The following ITGB6 variants were observed in gnomAD, a reference collection of about 807,000 sequenced individuals.
ITGB6 encodes the protein integrin beta-6.
In ITGB6, 80 loss-of-function variants were observed where a neutral mutation model predicts 84.5. That is an observed-to-expected ratio of 0.95 (90% CI 0.79 to 1.14). ITGB6 has a LOEUF of 1.14. ITGB6 is among the 50% of genes most tolerant of loss of function. The probability of loss-of-function intolerance (pLI) is 0.00; values close to 1 mark genes in which losing one functional copy is unlikely to be tolerated. For missense variants in ITGB6, 1,006 were observed against 968.0 expected, an observed-to-expected ratio of 1.04 and a Z score of -0.52; for synonymous variants, 383 against 354.9, an observed-to-expected ratio of 1.08 and a Z score of -0.89.
chr2:160,106,717 A>T (rs1696922702), intron 14 of ITGB6, among the ~76,000 whole-genome samples: 1 of 152,224 alleles, frequency 6.6e-6, no homozygotes, highest in Non-Finnish European at 1.5e-5. Flanking sequence ...AATTTAGAAT[A>T]ACCGCATACA....
intron 2 of ITGB6, among the ~76,000 whole-genome samples, chr2:160,197,313 T>C (rs566032983): frequency 6.6e-6 from 1 of 151,816 alleles, no homozygotes; most frequent in East Asian, 1.9e-4. Flanking sequence ...AAAAGTCTGC[T>C]TTTCTGCGTG....
chr2:160,169,098 T>C, intron 7 of ITGB6, 114 bp downstream of exon 7: 1 of 630,590 alleles, frequency 1.6e-6, no homozygotes. Flanking sequence ...GTACATTTGG[T>C]GTGTGTTAAT....
At chr2:160,186,368 C>T (rs186219585) in intron 4 of ITGB6, among the ~76,000 whole-genome samples, 476 of 151,628 alleles carry the variant, frequency 3.1e-3, no homozygotes, top group Admixed American at 5.8e-3. Context: ...TGAAAAAAAG[C>T]TCATCATCAC....
intron 3 of ITGB6, 86 bp from the exon 4 acceptor site, chr2:160,195,701 T>C: frequency 6.9e-7 from 1 of 1,455,812 alleles, no homozygotes; most frequent in Admixed American, 1.9e-5. Flanking sequence ...AGCTGGCTAT[T>C]TCACCTCAAT....
chr2:160,126,346 C>G (rs943896134), intron 11 of ITGB6, 33 bp downstream of exon 11: 4 of 1,586,960 alleles, frequency 2.5e-6, no homozygotes, highest in Non-Finnish European at 2.6e-6. Flanking sequence ...TAAACCTATC[C>G]ACATAAGGAA....
chr2:160,186,965 G>A (rs190863595), intron 4 of ITGB6, among the ~76,000 whole-genome samples: 7 of 151,896 alleles, frequency 4.6e-5, no homozygotes, highest in South Asian at 4.2e-4. Flanking sequence ...GGCCTGTCGG[G>A]GGGGTGGGAG....
chr2:160,189,050 A>G (rs1283024386), intron 4 of ITGB6, among the ~76,000 whole-genome samples: 2 of 152,174 alleles, frequency 1.3e-5, no homozygotes, highest in Non-Finnish European at 2.9e-5. Context: ...ATGATGCCAC[A>G]TATCTACAAC....
At position 160,195,440 on chromosome 2, in the gene ITGB6, G is replaced by A. The variant is rs891038159; in HGVS notation, c.522C>T (p.Phe174=). Residue 174 remains phenylalanine (F), a synonymous_variant, in exon 4 of 15, where the codon TTC becomes TTT. Transcript: ENST00000283249. ...SKLTSNFRLG[F]GSFVEKPVSP... ...ATACAGGTTTTTCCACAAAAGATCC[G>A]AAGCCCAGTCTAAAGTTGCTGGTTA... 1.4e-5 allele frequency: 22 copies of A among 1,614,044 alleles called. No individual in the cohort carries two copies. Among genetic ancestry groups the A allele is most frequent in the East Asian group, 2.2e-5 (1 of 44,896 alleles).
At chr2:160,138,738 A>G (rs138299864) in intron 8 of ITGB6, among the ~76,000 whole-genome samples, 3 of 152,350 alleles carry the variant, frequency 2.0e-5, no homozygotes, top group East Asian at 3.8e-4. Context: ...TTCATTGATA[A>G]CAAATTTACA....
chr2:160,122,571 A>T (rs1190356834), intron 12 of ITGB6, among the ~76,000 whole-genome samples: 1 of 152,212 alleles, frequency 6.6e-6, no homozygotes, highest in Non-Finnish European at 1.5e-5. Context: ...TGGGAAGTCC[A>T]CAGAGGCTGT....
chr2:160,148,984 G>A (rs1248761768), intron 7 of ITGB6, among the ~76,000 whole-genome samples: 1 of 152,248 alleles, frequency 6.6e-6, no homozygotes, highest in African/African-American at 2.4e-5. Flanking sequence ...GCTCAACAGG[G>A]CCTGCTGCCT....
chr2:160,153,390 G>A (rs535015710), intron 7 of ITGB6, among the ~76,000 whole-genome samples: 8 of 152,310 alleles, frequency 5.3e-5, no homozygotes, highest in African/African-American at 1.2e-4. Context: ...GCCATATGTA[G>A]AAAGCTGAAA....
chr2:160,198,157 C>A (rs1399885963), intron 2 of ITGB6, among the ~76,000 whole-genome samples: 1 of 152,074 alleles, frequency 6.6e-6, no homozygotes, highest in Non-Finnish European at 1.5e-5. Flanking sequence ...TGATTTTTTC[C>A]CTTCTTGTAT....
chr2:160,142,632 G>A (rs922441422), intron 7 of ITGB6, among the ~76,000 whole-genome samples: 24 of 152,318 alleles, frequency 1.6e-4, no homozygotes, highest in African/African-American at 5.1e-4. Context: ...TGCTAGCACC[G>A]TGCTGGGGTT....
At position 160,101,421 on chromosome 2, in the gene ITGB6, C is replaced by T. The variant is rs1000416140; in HGVS notation, c.*315G>A. ...AGCTGCATTCCTGAAACAAATGAGA[C>T]TCTAATTTCAAACATTTTTCAAATG... On this transcript the variant is annotated 3_prime_UTR_variant, in exon 15 of 15. Transcript: ENST00000283249. 5 of 283,152 alleles carry T rather than the reference C, an allele frequency of 1.8e-5. No individual in the cohort carries two copies. The highest frequency in any genetic ancestry group is 3.3e-5 in the Non-Finnish European group (5 of 151,868). 17.5% of individuals were successfully genotyped at this position (283,152 alleles called of 1,614,324 possible).
At chr2:160,134,391 T>G (rs919961530) in intron 10 of ITGB6, among the ~76,000 whole-genome samples, 2 of 152,024 alleles carry the variant, frequency 1.3e-5, no homozygotes, top group South Asian at 2.1e-4. Context: ...AATAACAGGC[T>G]CTGAAATTGA....
intron 7 of ITGB6, among the ~76,000 whole-genome samples, chr2:160,155,229 T>C (rs941124204): frequency 6.6e-6 from 1 of 152,192 alleles, no homozygotes; most frequent in Non-Finnish European, 1.5e-5. Context: ...AGTAGTATTT[T>C]GACCATGTGG....
At chr2:160,190,418 G>C (rs1429182351) in intron 4 of ITGB6, among the ~76,000 whole-genome samples, 3 of 152,026 alleles carry the variant, frequency 2.0e-5, no homozygotes, top group East Asian at 1.9e-4. Context: ...AACACCGAAG[G>C]CTTGAGAGAT....
At chr2:160,170,477 G>A (rs745734237) in intron 6 of ITGB6, among the ~76,000 whole-genome samples, 1 of 152,136 alleles carries the variant, frequency 6.6e-6, no homozygotes, top group Non-Finnish European at 1.5e-5. Context: ...AATCCCTCCA[G>A]TGCCAGTCCC....
Sources: allele counts gnomAD v4.1 joint callset (sites outside exome capture counted in the v4.1 genomes callset), GRCh38; gene constraint gnomAD v4.1.1; transcripts MANE v1.5; gene names NCBI Gene and HGNC (gene_info 2026-07-23, HGNC 2026-07-21).